Variants in WDR81 observed in about 807,000 individuals in gnomAD.
The protein encoded by WDR81 is WD repeat domain 81, also known as WD repeat-containing protein 81.
In WDR81, 92 loss-of-function variants were observed where a neutral mutation model predicts 140.8. The ratio of observed to expected loss-of-function variants is 0.65; its 90% CI spans 0.55 to 0.78. WDR81 has a LOEUF of 0.78. Among genes scored for constraint, WDR81 ranks in the 30% least tolerant of loss-of-function variants. The pLI, the probability that WDR81 is intolerant of heterozygous loss-of-function variation, is 0.00. For synonymous variants in WDR81, 1,183 were observed against 1,156.4 expected, an observed-to-expected ratio of 1.02 and a Z score of -0.47; for missense variants, 2,502 against 2,636.4, an observed-to-expected ratio of 0.95 and a Z score of 1.12.
chr17:1,734,525 A>G (rs949915158), intron 7 of WDR81, among the ~76,000 whole-genome samples: 1 of 152,224 alleles, frequency 6.6e-6, no homozygotes, highest in South Asian at 2.1e-4. Context: ...TCACGCCTGT[A>G]ATCCCAGCAC....
chr17:1,718,660 C>T (rs983184171), intron 1 of WDR81, among the ~76,000 whole-genome samples: 1 of 152,200 alleles, frequency 6.6e-6, no homozygotes, highest in Non-Finnish European at 1.5e-5. Context: ...CACTCCAGGA[C>T]AAGCTTAGTG....
In WDR81 at chr17:1,725,559, A is replaced by G. The variant is rs1330690635; in HGVS notation, c.600A>G (p.Ser200=). Reference sequence around the variant, plus strand: ...TGGGTGAAACTACCCAATGCCCTTCATATGCCAGAGAAGGCCCCTGCCCCC... The same window carrying G: ...TGGGTGAAACTACCCAATGCCCTTCGTATGCCAGAGAAGGCCCCTGCCCCC... ...LPVGETTQCP[S]YAREGPCPPR... is the part of the protein sequence containing the mutation. Residue 200 remains serine (S), a synonymous_variant, in exon 1 of 10, where the codon TCA becomes TCG. Transcript: ENST00000409644. 6.5e-7 allele frequency: 1 copy of G among 1,545,080 alleles called. No homozygotes were observed. The highest frequency in any genetic ancestry group is 2.4e-5 in the East Asian group (1 of 40,920).
chr17:1,716,614 C>A, exon 1 of WDR81: 3 of 1,551,480 alleles, frequency 1.9e-6, no homozygotes, highest in South Asian at 2.4e-5. Flanking sequence ...CACCGTCGTT[C>A]CCAGAACCCA....
upstream of WDR81, among the ~76,000 whole-genome samples, chr17:1,720,955 C>T (rs1220957727): frequency 6.6e-6 from 1 of 152,012 alleles, no homozygotes; most frequent in Non-Finnish European, 1.5e-5. Context: ...GTCACTGCTG[C>T]AGTGTAACCC....
Position 1,737,471 on chromosome 17 carries a change from C to T in WDR81, c.5612C>T (p.Pro1871Leu). 6.2e-7 allele frequency: 1 copy of T among 1,613,226 alleles called. No homozygotes were observed. The highest frequency in any genetic ancestry group is 8.5e-7 in the Non-Finnish European group (1 of 1,179,994). The change falls in exon 10 of 10, where the codon CCC (proline) becomes CTC (leucine). Residue 1871 changes from proline to leucine, a missense_variant. By Grantham distance (98) the Pro-to-Leu change is moderately conservative. Coordinates refer to ENST00000409644, the MANE Select transcript of WDR81 (RefSeq NM_001163809.2). Reference sequence around the variant, plus strand: ...CATCACTACAAGTCAGCATCCGACCCCATCCACACCTTTGACCTGTACGGC... The same window carrying T: ...CATCACTACAAGTCAGCATCCGACCTCATCCACACCTTTGACCTGTACGGC... ...PTHHYKSASD[P>L]IHTFDLYGSE...
In WDR81 at chr17:1,728,427, G is replaced by T. The variant is rs746240815; in HGVS notation, c.3468G>T (p.Glu1156Asp). ...LKQSEGSEEEEEEEDSCVVLE... is the reference protein window; with the variant it reads ...LKQSEGSEEEDEEEDSCVVLE... ...AAAGCGAGGGCTCCGAGGAGGAAGA[G>T]GAGGAGGAGGACAGCTGCGTGGTGC... Residue 1156 changes from glutamate to aspartate, a missense_variant, in exon 1 of 10, where the codon GAG becomes GAT. Glu to Asp is a conservative substitution (Grantham distance 45). This residue lies in a region of WDR81 where 1,737 missense variants were observed against 1,843.0 expected (regional missense o/e 0.94). Coordinates refer to ENST00000409644, the MANE Select transcript of WDR81 (RefSeq NM_001163809.2). The T allele has an allele frequency of 3.1e-6, 5 of 1,610,534 alleles. No homozygotes were observed. Among genetic ancestry groups the T allele is most frequent in the Admixed American group, 1.7e-5 (1 of 59,740 alleles).
In WDR81 at chr17:1,733,830, A is replaced by G; in HGVS notation, c.4793A>G (p.Asp1598Gly). The G allele has an allele frequency of 6.2e-7, 1 of 1,612,376 alleles. No individual in the cohort carries two copies. Among genetic ancestry groups the G allele is most frequent in the African/African-American group, 1.3e-5 (1 of 75,042 alleles). Residue 1598 changes from aspartate to glycine, a missense_variant, in exon 7 of 10, where the codon GAC (aspartate) becomes GGC (glycine). Around this residue, in one of 3 missense-constraint regions of WDR81, gnomAD observed 1,737 missense variants for 1,843.0 expected, o/e 0.94. Transcript: ENST00000409644. ...VGGGGLGSGS[D>G]DNALKQELPR... ...GGCGGGGGCCTGGGCAGCGGGAGCG[A>G]CGACAACGCCCTGAAGCAGGAGCTG...
Position 1,733,524 on chromosome 17 carries a change from CA to C in WDR81, c.4490-2del. The C allele has an allele frequency of 6.6e-7, 1 of 1,515,920 alleles. No individual in the cohort carries two copies. The highest frequency in any genetic ancestry group is 8.8e-7 in the Non-Finnish European group (1 of 1,133,392). The allele number at this position is 1,515,920 out of a possible 1,614,324, so 93.9% of individuals were successfully genotyped here. On this transcript the variant is annotated splice_acceptor_variant, in intron 6 of 9. Transcript: ENST00000409644. LOFTEE classifies it high-confidence loss of function. ...TCTCAGGACCTCTCCCACTCCTATC[CA>C]GGTGACATCATCCGGAAAATCATCC... is the stretch of plus-strand genomic sequence containing the variant.
At chr17:1,733,030 G>A in intron 6 of WDR81, 199 bp downstream of exon 6, 1 of 654,934 alleles carries the variant, frequency 1.5e-6, no homozygotes, top group Non-Finnish European at 2.5e-6. Flanking sequence ...AGCAAGAGAG[G>A]CCCAGAAGCT....
In WDR81 at chr17:1,737,357, C is replaced by T. The variant is rs370191433; in HGVS notation, c.5506-8C>T. On this transcript the variant is annotated splice_region_variant and splice_polypyrimidine_tract_variant and intron_variant, in intron 9 of 9. Transcript: ENST00000409644. ...GGCTCCTGCTGAGGCTCTCCTCTCC[C>T]GGGACAGGCGGTGGAGGGCAGCGTC... The T allele has an allele frequency of 3.9e-5, 63 of 1,595,398 alleles. No individual in the cohort carries two copies. The highest frequency in any genetic ancestry group is 4.5e-5 in the Non-Finnish European group (53 of 1,170,118).
At chr17:1,730,255 G>C in intron 1 of WDR81, 125 bp from the exon 2 acceptor site, 1 of 758,828 alleles carries the variant, frequency 1.3e-6, no homozygotes, top group South Asian at 1.8e-5. Context: ...TGGGACAGCC[G>C]GCCCGGGCTG....
intron 1 of WDR81, among the ~76,000 whole-genome samples, chr17:1,718,909 C>T (rs1206681972): frequency 1.3e-5 from 2 of 152,160 alleles, no homozygotes; most frequent in Non-Finnish European, 2.9e-5. Flanking sequence ...CACCTCAGCA[C>T]CCACTGGCAT....
At chr17:1,723,457 T>TTATTTATA (rs60606428), upstream of WDR81, among the ~76,000 whole-genome samples, 7 of 130,546 alleles carry the variant, frequency 5.4e-5, 1 homozygote, top group East Asian at 8.4e-4. Context: ...ATTTATTTAT[T>TTATTTATA]TTTATTTATT....
chr17:1,730,694 A>G, intron 2 of WDR81, 61 bp from the exon 3 acceptor site: 2 of 1,537,642 alleles, frequency 1.3e-6, no homozygotes, highest in South Asian at 1.2e-5. Context: ...ACAGCCCTGC[A>G]GGGCCAGGCT....
In WDR81 at chr17:1,733,456, G is replaced by A. The variant is rs563264830; in HGVS notation, c.4490-71G>A. ...TCCTGCCCCATCTTCTGTGGCTCCC[G>A]AGTCCTTGGATGGGTGATAGCAGCC... On this transcript the variant is annotated intron_variant, in intron 6 of 9. Coordinates refer to ENST00000409644, the MANE Select transcript of WDR81 (RefSeq NM_001163809.2). 240 of 1,451,282 alleles carry A rather than the reference G, an allele frequency of 1.7e-4. 2 individuals carry two copies. In the African/African-American group the frequency reaches 2.5e-3, roughly 15 times the overall value. The allele number at this position is 1,451,282 out of a possible 1,614,324, so 89.9% of individuals were successfully genotyped here.
At chr17:1,737,296 A>G in intron 9 of WDR81, 69 bp from the exon 10 acceptor site, 1 of 1,463,854 alleles carries the variant, frequency 6.8e-7, no homozygotes, top group Non-Finnish European at 9.1e-7. Flanking sequence ...GGGAACTGGG[A>G]AGGCCTTGGG....
chr17:1,726,675 C>CTCACCTGGCCGACGCCCAT lies in WDR81; in HGVS notation c.1716_1717insTCACCTGGCCGACGCCCAT (p.Thr573SerfsTer78). The CTCACCTGGCCGACGCCCAT allele has an allele frequency of 6.5e-7, 1 of 1,549,900 alleles. No homozygotes were observed. Among genetic ancestry groups the CTCACCTGGCCGACGCCCAT allele is most frequent in the East Asian group, 2.4e-5 (1 of 40,902 alleles). ...TGTGTCTGCACCTGGTGGACGCCCA[C>CTCACCTGGCCGACGCCCAT]ACTCACCTGGCCAGCTACGGGGTGG... On this transcript the variant is annotated frameshift_variant, in exon 1 of 10. Coordinates refer to ENST00000409644, the MANE Select transcript of WDR81 (RefSeq NM_001163809.2). LOFTEE classifies it high-confidence loss of function.
At chr17:1,721,856 G>T (rs1216845097), upstream of WDR81, among the ~76,000 whole-genome samples, 2 of 151,486 alleles carry the variant, frequency 1.3e-5, no homozygotes, top group Non-Finnish European at 2.9e-5. Flanking sequence ...GGGCACGGTG[G>T]CTCACACCTG....
Position 1,726,733 on chromosome 17 carries a change from C to A in WDR81, c.1774C>A (p.Leu592Met). ...QLFDQPHPQR[L>M]AGAPALAPEP... The stretch of plus-strand genomic sequence containing the variant: ...CTTCGATCAGCCACACCCCCAGCGC[C>A]TGGCTGGGGCTCCTGCCCTTGCCCC... Residue 592 changes from leucine to methionine, a missense_variant, in exon 1 of 10, where the codon CTG becomes ATG. By Grantham distance (15) the Leu-to-Met change is conservative. Transcript: ENST00000409644. 5 of 1,548,024 alleles carry A rather than the reference C, an allele frequency of 3.2e-6. No homozygotes were observed. The highest frequency in any genetic ancestry group is 4.4e-6 in the Non-Finnish European group (5 of 1,146,470).
Sources: gnomAD v4.1 joint callset for allele counts (sites outside exome capture counted in the v4.1 genomes callset) on GRCh38, gnomAD v4.1.1 for gene constraint, gnomAD v4.1.1 regional missense constraint, MANE v1.5 for transcripts, NCBI Gene and HGNC (gene_info 2026-07-23, HGNC 2026-07-21) for gene names.